The following EVC2 variants were observed in gnomAD, a reference collection of about 807,000 sequenced individuals.
EVC2 encodes EvC ciliary complex subunit 2, also known as limbin.
A neutral mutation model predicts 149.3 loss-of-function variants in EVC2; 148 were observed. The ratio of observed to expected loss-of-function variants is 0.99; its 90% CI spans 0.87 to 1.14. EVC2 has a LOEUF of 1.14. Among genes scored for constraint, EVC2 ranks in the 50% most tolerant of loss-of-function variants. The pLI, the probability that EVC2 is intolerant of heterozygous loss-of-function variation, is 0.00. For synonymous variants in EVC2, 776 were observed against 649.9 expected, an observed-to-expected ratio of 1.19 and a Z score of -2.95; for missense variants, 1,854 against 1,627.3, an observed-to-expected ratio of 1.14 and a Z score of -2.40.
rs753822824 is a variant in EVC2, at chr4:5,618,448, T to C, written c.2706+30A>G. 2 of 1,612,042 alleles carry C rather than the reference T, an allele frequency of 1.2e-6. No individual in the cohort carries two copies. Among genetic ancestry groups the C allele is most frequent in the Non-Finnish European group, 1.7e-6 (2 of 1,179,828 alleles). ...AGCAGCTGGGAGACGGCCCTGCTTC[T>C]GTAATCGGCCACTGACAGGTCCATC... On this transcript the variant is annotated intron_variant, in intron 15 of 21. Coordinates refer to ENST00000344408, the MANE Select transcript of EVC2 (RefSeq NM_147127.5). This position sits in a 1 kb window ranked among gnomAD's most constrained non-coding sequence, Gnocchi z 4.4.
intron 7 of EVC2, among the ~76,000 whole-genome samples, chr4:5,672,664 C>G (rs1719724753): frequency 6.6e-6 from 1 of 152,140 alleles, no homozygotes; most frequent in Non-Finnish European, 1.5e-5. Flanking sequence ...AGCAATTTCA[C>G]CCCCAAGCAT....
intron 5 of EVC2, among the ~76,000 whole-genome samples, chr4:5,687,892 C>A (rs1368981902): frequency 6.6e-6 from 1 of 152,126 alleles, no homozygotes. Flanking sequence ...CTCTACGACT[C>A]CACAATGGAC....
rs201602861 is a variant in EVC2 at position 5,574,297 on chromosome 4, C to CA, written c.3360+387dup. On this transcript the variant is annotated intron_variant, in intron 19 of 21. Transcript: ENST00000344408. ...TGAGAAAGGTTGGCTGATCTCCACT[C>CA]AGAGAGGTGTAGTGTGGGGTGCAGT... is the stretch of plus-strand genomic sequence containing the variant. 2.3e-4 allele frequency among the ~76,000 whole-genome samples: 35 copies of CA among 152,342 alleles called. No homozygotes were observed. The East Asian group carries it at 5.6e-3, about 24-fold the overall frequency.
downstream of EVC2, among the ~76,000 whole-genome samples, chr4:5,540,194 G>A (rs1721489542): frequency 6.6e-6 from 1 of 152,222 alleles, no homozygotes; most frequent in South Asian, 2.1e-4. Flanking sequence ...CAAGGTGTGT[G>A]AGAATGTGGA....
chr4:5,628,565 T>G lies in EVC2; in HGVS notation c.1880A>C (p.His627Pro), dbSNP rs776932063. The stretch of plus-strand genomic sequence containing the variant: ...GGACAGTGTTGAGTGGTACCTCTCG[T>G]GCTTCTGAATGAGGTGAGTCAGCTG... ...AAQLTHLIQK[H>P]ERAGYLDEDQ... Residue 627 changes from histidine to proline, a missense_variant, in exon 12 of 22, where the codon CAC becomes CCC. His to Pro is a moderately conservative substitution (Grantham distance 77). Transcript: ENST00000344408. 6.2e-7 allele frequency: 1 copy of G among 1,614,138 alleles called. No individual in the cohort carries two copies. Among genetic ancestry groups the G allele is most frequent in the South Asian group, 1.1e-5 (1 of 91,074 alleles).
chr4:5,556,210 CAAACTT>C lies in EVC2; in HGVS notation c.3419+9042_3419+9047del, dbSNP rs1395333946. Among the ~76,000 whole-genome samples, 13 of 112,008 alleles carry C rather than the reference CAAACTT, an allele frequency of 1.2e-4. No individual in the cohort carries two copies. In the East Asian group the frequency reaches 3.6e-3, roughly 31 times the overall value. 73.5% of individuals were successfully genotyped at this position (112,008 alleles called of 152,430 possible). ...AAAAAAAAAAAAAAAAAAAAAAAGA[CAAACTT>C]AAAATAATAGCAATTATAGAAAATA... is the stretch of plus-strand genomic sequence containing the variant. On this transcript the variant is annotated intron_variant and NMD_transcript_variant, in intron 21 of 22. Coordinates refer to the EVC2 transcript ENST00000475313.
the EVC2 span, among the ~76,000 whole-genome samples, chr4:5,533,991 C>A: frequency 6.6e-6 from 1 of 152,074 alleles, no homozygotes; most frequent in Admixed American, 6.6e-5. Context: ...ACAGAGGGAG[C>A]CAAGAGGCAT....
chr4:5,676,739 C>T (rs35871293), intron 7 of EVC2, among the ~76,000 whole-genome samples: 53,656 of 152,096 alleles, frequency 0.35, 9,773 homozygotes, highest in African/African-American at 0.44. Flanking sequence ...GCCAGTCCAC[C>T]CAGCCCATGG....
At chr4:5,698,630 C>T (rs1166392582) in intron 1 of EVC2, among the ~76,000 whole-genome samples, 2 of 152,226 alleles carry the variant, frequency 1.3e-5, no homozygotes, top group Admixed American at 1.3e-4. Flanking sequence ...TCTCCATGTG[C>T]CAGTGCTTAC....
At chr4:5,585,705 T>C (rs1400873823) in intron 16 of EVC2, among the ~76,000 whole-genome samples, 1 of 152,068 alleles carries the variant, frequency 6.6e-6, no homozygotes, top group Non-Finnish European at 1.5e-5. Context: ...ACAACCAGGG[T>C]AGTGAACACA....
chr4:5,660,861 A>G (rs1015630756), intron 9 of EVC2, among the ~76,000 whole-genome samples: 1 of 152,232 alleles, frequency 6.6e-6, no homozygotes, highest in African/African-American at 2.4e-5. Flanking sequence ...CACCAGATGT[A>G]TCACTGTGGG....
Position 5,576,301 on chromosome 4 carries a change from A to G in EVC2, c.3211T>C (p.Ser1071Pro). The change falls in exon 18 of 22, where the codon TCT becomes CCT. Residue 1071 changes from serine to proline, a missense_variant. Coordinates refer to ENST00000344408, the MANE Select transcript of EVC2 (RefSeq NM_147127.5). This position sits in a 1 kb window ranked among gnomAD's most constrained non-coding sequence, Gnocchi z 4.5. ...PGEVDSERQVSTVLHQALSKS... is the reference protein window; with the variant it reads ...PGEVDSERQVPTVLHQALSKS... ...CTCAGGGCTTGGTGCAGGACAGTAG[A>G]GACCTGCCTTTCAGAATCCACCTCC... The G allele has an allele frequency of 3.7e-6, 6 of 1,614,164 alleles. No individual in the cohort carries two copies. The highest frequency in any genetic ancestry group is 5.1e-6 in the Non-Finnish European group (6 of 1,180,032).
chr4:5,699,487 C>T (rs1721689337), intron 1 of EVC2, among the ~76,000 whole-genome samples: 2 of 152,116 alleles, frequency 1.3e-5, no homozygotes, highest in African/African-American at 4.8e-5. Flanking sequence ...GGTATTTGCA[C>T]ATCTGTGTTC....
rs1299770606 is a variant in EVC2 at position 5,679,829 on chromosome 4, T to C, written c.870+1431A>G. The stretch of plus-strand genomic sequence containing the variant: ...CCCTGTGACTTTATTACCTTTGTAA[T>C]TTTTTTTTTAACATTTTGACTCTTT... On this transcript the variant is annotated intron_variant, in intron 7 of 21. Transcript: ENST00000344408. This position sits in a 1 kb window ranked among gnomAD's most constrained non-coding sequence, Gnocchi z 5.1. Among the ~76,000 whole-genome samples the C allele has an allele frequency of 1.0e-5, 1 of 98,016 alleles. No individual in the cohort carries two copies. Among genetic ancestry groups the C allele is most frequent in the African/African-American group, 4.1e-5 (1 of 24,260 alleles). The allele number at this position is 98,016 out of a possible 152,430, so 64.3% of individuals were successfully genotyped here.
chr4:5,698,165 C>T (rs188840322), intron 1 of EVC2, among the ~76,000 whole-genome samples: 4 of 152,246 alleles, frequency 2.6e-5, no homozygotes, highest in South Asian at 4.2e-4. Context: ...TCAGCGCCCT[C>T]ATGAATGCAT....
rs1716959192 is a variant in EVC2, at chr4:5,637,425, C to T, written c.1470+3089G>A. 6.6e-6 allele frequency among the ~76,000 whole-genome samples: 1 copy of T among 152,128 alleles called. No homozygotes were observed. Among genetic ancestry groups the T allele is most frequent in the Admixed American group, 6.5e-5 (1 of 15,282 alleles). On this transcript the variant is annotated intron_variant, in intron 10 of 21. Transcript: ENST00000344408. The surrounding 1 kb of genome is among the most constrained non-coding windows in gnomAD (Gnocchi z 4.4). ...CAAAGTGAGATCCTCTCAGTCCCTA[C>T]CTCACTGAGTTGTTGTGAACGCTAA...
chr4:5,628,702 C>T lies in EVC2; in HGVS notation c.1743G>A (p.Gln581=). Residue 581 remains glutamine (Q), a synonymous_variant, in exon 12 of 22, where the codon CAG becomes CAA. Coordinates refer to ENST00000344408, the MANE Select transcript of EVC2 (RefSeq NM_147127.5). ...ENVEELMDFF[Q]ASKRYHLSKR... ...TACTTAGATGATACCTCTTACTAGC[C>T]TGGAAAAAGTCCATTAACTCTTCTA... The T allele has an allele frequency of 6.2e-7, 1 of 1,613,196 alleles. No individual in the cohort carries two copies.
At chr4:5,596,581 G>A (rs891201896) in intron 16 of EVC2, among the ~76,000 whole-genome samples, 2 of 151,940 alleles carry the variant, frequency 1.3e-5, no homozygotes, top group Non-Finnish European at 2.9e-5. Flanking sequence ...TGTGTAGAGG[G>A]AAACTTATAG....
At chr4:5,607,852 C>A (rs1714512666) in intron 16 of EVC2, among the ~76,000 whole-genome samples, 1 of 151,736 alleles carries the variant, frequency 6.6e-6, no homozygotes, top group Non-Finnish European at 1.5e-5. Flanking sequence ...AATCACCACA[C>A]AAAACATTCC....
Sources: gnomAD v4.1 joint callset for allele counts (sites outside exome capture counted in the v4.1 genomes callset) on GRCh38, gnomAD v4.1.1 for gene constraint, Gnocchi (gnomAD v3.1) non-coding constraint, MANE v1.5 for transcripts, NCBI Gene and HGNC (gene_info 2026-07-23, HGNC 2026-07-21) for gene names.